Variants in CSNK1A1 observed in about 807,000 individuals in gnomAD.
The protein encoded by CSNK1A1 is casein kinase 1 alpha 1.
In CSNK1A1, 7 loss-of-function variants were observed where a neutral mutation model predicts 46.1. The observed-to-expected ratio is 0.15, with a 90% CI of 0.09 to 0.29. The LOEUF (loss-of-function observed/expected upper bound fraction) is 0.29, where lower values mean the gene tolerates loss of function less well. Ranked by LOEUF, CSNK1A1 falls within the 10% of genes least tolerant of loss-of-function variation. The pLI is 1.00. For missense variants in CSNK1A1, 96 were observed against 417.1 expected (o/e 0.23, Z 6.71); for synonymous variants, 137 against 141.5 (o/e 0.97, Z 0.23).
At chr5:149,534,327 C>T (rs1462528803) in intron 2 of CSNK1A1, among the ~76,000 whole-genome samples, 1 of 151,700 alleles carries the variant, frequency 6.6e-6, no homozygotes, top group African/African-American at 2.4e-5. Flanking sequence ...ACTAAAAACA[C>T]AAAAATTAGC....
Position 149,542,687 on chromosome 5 carries a change from TATA to T in CSNK1A1, c.230+7385_230+7387del, listed in dbSNP as rs1561772859. 4.2e-4 allele frequency among the ~76,000 whole-genome samples: 9 copies of T among 21,256 alleles called. 1 individual carries two copies. The highest frequency in any genetic ancestry group is 9.8e-4 in the African/African-American group (5 of 5,122). The allele number at this position is 21,256 out of a possible 152,430, so 13.9% of individuals were successfully genotyped here. A position where few individuals can be genotyped will look rare whatever the true frequency, so the allele number is the denominator to read the frequency against. ...ATATATATATGTATATATATATATA[TATA>T]TATTTTTTTTTTTTTTTTTTTTTGA... On this transcript the variant is annotated intron_variant, in intron 2 of 9. Transcript: ENST00000377843.
chr5:149,502,843 A>G, intron 9 of CSNK1A1: 1 of 789,778 alleles, frequency 1.3e-6, no homozygotes, highest in Non-Finnish European at 1.5e-6. Context: ...ATCTTGGCTC[A>G]CTGCAACCTC....
intron 2 of CSNK1A1, among the ~76,000 whole-genome samples, chr5:149,533,524 T>C (rs1286906861): frequency 6.6e-6 from 1 of 152,202 alleles, no homozygotes; most frequent in African/African-American, 2.4e-5. Flanking sequence ...AAGATCACCT[T>C]ATTTTCTTCT....
chr5:149,505,033 A>G (rs977100316), intron 9 of CSNK1A1: 50 of 986,922 alleles, frequency 5.1e-5, no homozygotes, highest in Non-Finnish European at 5.9e-5. Flanking sequence ...TTAGTCTGAA[A>G]TAAAGTCAAA....
In CSNK1A1 at chr5:149,503,857, T is replaced by C. The variant is rs970177384; in HGVS notation, c.1006+1590A>G. Reference sequence around the variant, plus strand: ...TAGGTCAGAAGAGATTTCAATCTAATTTTAGTTATAGAAACTGCAACTTGT... The same window carrying C: ...TAGGTCAGAAGAGATTTCAATCTAACTTTAGTTATAGAAACTGCAACTTGT... On this transcript the variant is annotated intron_variant, in intron 9 of 9. Transcript: ENST00000377843. 4.1e-6 allele frequency: 4 copies of C among 985,342 alleles called. No homozygotes were observed. In the African/African-American group the frequency reaches 7.0e-5, roughly 17 times the overall value. 61.0% of individuals were successfully genotyped at this position (985,342 alleles called of 1,614,324 possible).
chr5:149,515,648 A>C (rs1761377646), intron 4 of CSNK1A1, among the ~76,000 whole-genome samples: 1 of 152,212 alleles, frequency 6.6e-6, no homozygotes. Context: ...AAAGGAAATA[A>C]AACTATTGGT....
At chr5:149,542,890 T>G (rs1369650725) in intron 2 of CSNK1A1, among the ~76,000 whole-genome samples, 1 of 150,420 alleles carries the variant, frequency 6.6e-6, no homozygotes, top group East Asian at 2.0e-4. Context: ...AGATGGGGTT[T>G]CACCATGTTG....
chr5:149,504,983 G>A (rs1580820978), intron 9 of CSNK1A1: 2 of 985,662 alleles, frequency 2.0e-6, no homozygotes, highest in Non-Finnish European at 2.4e-6. Flanking sequence ...CATTTTAAAT[G>A]CTAAAGCATT....
At chr5:149,543,250 C>A (rs1472614785) in intron 2 of CSNK1A1, among the ~76,000 whole-genome samples, 1 of 152,078 alleles carries the variant, frequency 6.6e-6, no homozygotes, top group African/African-American at 2.4e-5. Flanking sequence ...GATAATGATT[C>A]TCAGAAGAAC....
Position 149,542,625 on chromosome 5 carries a change from TA to T in CSNK1A1, c.230+7449del, listed in dbSNP as rs1561772329. ...ATATATATATATATATATATATATA[TA>T]TATATATATATATGTATATATATAT... On this transcript the variant is annotated intron_variant, in intron 2 of 9. Transcript: ENST00000377843. Among the ~76,000 whole-genome samples, 27 of 13,400 alleles carry T rather than the reference TA, an allele frequency of 2.0e-3. 3 individuals carry two copies. The highest frequency in any genetic ancestry group is 2.4e-3 in the Non-Finnish European group (23 of 9,406). The allele number at this position is 13,400 out of a possible 152,430, so 8.8% of individuals were successfully genotyped here.
intron 2 of CSNK1A1, chr5:149,545,585 C>T: frequency 1.3e-6 from 1 of 776,446 alleles, no homozygotes. Context: ...CAGCTGACAC[C>T]CTTTGGGATC....
chr5:149,499,075 T>C (rs1760742268), intron 9 of CSNK1A1: 17 of 985,290 alleles, frequency 1.7e-5, no homozygotes, highest in Non-Finnish European at 2.0e-5. Flanking sequence ...CTCCAGTGAA[T>C]TGTCCTAAGA....
At chr5:149,541,036 C>T (rs940907350) in intron 2 of CSNK1A1, among the ~76,000 whole-genome samples, 6 of 151,550 alleles carry the variant, frequency 4.0e-5, no homozygotes, top group Non-Finnish European at 7.4e-5. Context: ...GCCAAGATTG[C>T]GCCACTGCAC....
At position 149,503,703 on chromosome 5, in the gene CSNK1A1, C is replaced by T. The variant is rs1173656214; in HGVS notation, c.1006+1744G>A. 8.1e-6 allele frequency: 8 copies of T among 985,318 alleles called. 1 individual carries two copies. The Middle Eastern group carries it at 2.1e-3, about 254-fold the overall frequency. 61.0% of individuals were successfully genotyped at this position (985,318 alleles called of 1,614,324 possible). A position where few individuals can be genotyped will look rare whatever the true frequency, so the allele number is the denominator to read the frequency against. On this transcript the variant is annotated intron_variant, in intron 9 of 9. Transcript: ENST00000377843. ...TGGATCCAACTTCTCATCTTTAAGA[C>T]ATGGATAGGGCAGGACACAAATTCT... is the stretch of plus-strand genomic sequence containing the variant.
Position 149,542,194 on chromosome 5 carries a change from C to T in CSNK1A1, c.230+7881G>A, listed in dbSNP as rs62377970. Among the ~76,000 whole-genome samples, 1,210 of 151,940 alleles carry T rather than the reference C, an allele frequency of 8.0e-3. 7 individuals are homozygous for T. The highest frequency in any genetic ancestry group is 0.012 in the Non-Finnish European group (821 of 67,954). On this transcript the variant is annotated intron_variant, in intron 2 of 9. Coordinates refer to ENST00000377843, the MANE Select transcript of CSNK1A1 (RefSeq NM_001892.6). ...AACGCAAACCCTGCTGTGAACTGCA[C>T]ATCAGAGGGATCTAGGTTGTGCATT...
At chr5:149,499,999 C>T (rs1760782959) in intron 9 of CSNK1A1, among the ~76,000 whole-genome samples, 2 of 115,502 alleles carry the variant, frequency 1.7e-5, no homozygotes, top group African/African-American at 7.1e-5. Flanking sequence ...GACGGAGTCT[C>T]GCTCTGTCAC....
Position 149,542,614 on chromosome 5 carries a change from ATATATATATATATATATATATATATG to A in CSNK1A1, c.230+7435_230+7460del, listed in dbSNP as rs1561772168. Among the ~76,000 whole-genome samples, 50 of 11,866 alleles carry A rather than the reference ATATATATATATATATATATATATATG, an allele frequency of 4.2e-3. 2 individuals are homozygous for A. The highest frequency in any genetic ancestry group is 0.011 in the African/African-American group (20 of 1,798). The allele number at this position is 11,866 out of a possible 152,430, so 7.8% of individuals were successfully genotyped here. A position where few individuals can be genotyped will look rare whatever the true frequency, so the allele number is the denominator to read the frequency against. On this transcript the variant is annotated intron_variant, in intron 2 of 9. Transcript: ENST00000377843. ...AATTTATATATATATATATATATATATATATATATATATATATATATATATGTATATATATATATATATATATATAT... is the reference window on the plus strand; with the variant it reads ...AATTTATATATATATATATATATATATATATATATATATATATATATATAT...
intron 2 of CSNK1A1, chr5:149,545,543 G>A (rs1006774834): frequency 7.5e-6 from 5 of 670,128 alleles, no homozygotes; most frequent in Non-Finnish European, 1.4e-5. Flanking sequence ...CCAAGCTTGG[G>A]GTGGACAATG....
At chr5:149,504,113 A>G (rs1236301771) in intron 9 of CSNK1A1, 1 of 985,342 alleles carries the variant, frequency 1.0e-6, no homozygotes, top group African/African-American at 1.7e-5. Flanking sequence ...AGGAGCAACT[A>G]TCCCAACTGA....
Sources: allele counts gnomAD v4.1 joint callset (sites outside exome capture counted in the v4.1 genomes callset), GRCh38; gene constraint gnomAD v4.1.1; transcripts MANE v1.5; gene names NCBI Gene and HGNC (gene_info 2026-07-23, HGNC 2026-07-21).